Variants in KHDRBS3 observed in about 807,000 individuals in gnomAD.
KHDRBS3 encodes the protein KH domain-containing, RNA-binding, signal transduction-associated protein 3.
In KHDRBS3, 23 loss-of-function variants were observed where a neutral mutation model predicts 45.6. The observed-to-expected ratio is 0.50, with a 90% CI of 0.36 to 0.72. The LOEUF is 0.72. Among genes scored for constraint, KHDRBS3 ranks in the 30% least tolerant of loss-of-function variants. The probability of loss-of-function intolerance (pLI) is 0.00; values close to 1 mark genes in which losing one functional copy is unlikely to be tolerated. For synonymous variants in KHDRBS3, 162 were observed against 156.5 expected (o/e 1.04, Z -0.26); for missense variants, 352 against 424.8 (o/e 0.83, Z 1.51).
At chr8:135,635,836 G>T (rs1192604565) in intron 7 of KHDRBS3, among the ~76,000 whole-genome samples, 3 of 152,062 alleles carry the variant, frequency 2.0e-5, no homozygotes, top group Non-Finnish European at 4.4e-5. Flanking sequence ...ATGTCACTTC[G>T]CTGCATTATG....
intron 1 of KHDRBS3, among the ~76,000 whole-genome samples, chr8:135,466,905 G>T (rs1478176764): frequency 6.6e-6 from 1 of 152,172 alleles, no homozygotes; most frequent in Non-Finnish European, 1.5e-5. Context: ...ACCTCACTGA[G>T]CCTCTATTCC....
intron 7 of KHDRBS3, chr8:135,625,630 T>A: frequency 2.2e-6 from 2 of 888,998 alleles, no homozygotes; most frequent in Non-Finnish European, 3.8e-6. Flanking sequence ...CCATCATAAT[T>A]TGCATCAAAA....
intron 1 of KHDRBS3, among the ~76,000 whole-genome samples, chr8:135,465,439 C>T (rs1239016573): frequency 6.6e-6 from 1 of 152,096 alleles, no homozygotes; most frequent in African/African-American, 2.4e-5. Flanking sequence ...ACTTTCATTT[C>T]TTAGGGTAAT....
chr8:135,498,302 G>T (rs779186333), intron 1 of KHDRBS3, among the ~76,000 whole-genome samples: 1 of 152,172 alleles, frequency 6.6e-6, no homozygotes, highest in South Asian at 2.1e-4. Flanking sequence ...TTCAACTACC[G>T]TACTGCATTA....
intron 2 of KHDRBS3, chr8:135,540,454 T>C (rs969873353): frequency 2.6e-5 from 4 of 152,198 alleles, no homozygotes; most frequent in African/African-American, 9.7e-5. Flanking sequence ...GATGTTCTCA[T>C]CTTATAAAAC....
rs1563751891 is a variant in KHDRBS3 at position 135,536,994 on chromosome 8, AAAAGG to A, written c.208-5658_208-5654del. ...AAAAAAAAAAAAAAAAAAAAAAAAA[AAAAGG>A]AGATGTTTAGGAGGTAAAATCATTA... On this transcript the variant is annotated intron_variant, in intron 2 of 8. Coordinates refer to ENST00000355849, the MANE Select transcript of KHDRBS3 (RefSeq NM_006558.3). 1.7e-3 allele frequency among the ~76,000 whole-genome samples: 35 copies of A among 20,820 alleles called. 2 individuals are homozygous for A. The highest frequency in any genetic ancestry group is 0.011 in the East Asian group (2 of 180). 13.7% of individuals were successfully genotyped at this position (20,820 alleles called of 152,430 possible). A position where few individuals can be genotyped will look rare whatever the true frequency, so the allele number is the denominator to read the frequency against.
chr8:135,520,660 G>A (rs957794163), intron 1 of KHDRBS3, among the ~76,000 whole-genome samples: 6 of 152,186 alleles, frequency 3.9e-5, no homozygotes, highest in African/African-American at 1.4e-4. Flanking sequence ...GTTGAGTCTC[G>A]AAAGGAGATG....
chr8:135,632,630 C>G (rs1268613872), intron 7 of KHDRBS3, among the ~76,000 whole-genome samples: 1 of 152,088 alleles, frequency 6.6e-6, no homozygotes, highest in South Asian at 2.1e-4. Flanking sequence ...TGCTGCTATC[C>G]TCTTCCCTTT....
chr8:135,466,719 A>C (rs946255245), intron 1 of KHDRBS3, among the ~76,000 whole-genome samples: 1 of 152,224 alleles, frequency 6.6e-6, no homozygotes, highest in African/African-American at 2.4e-5. Flanking sequence ...CTAGCTATAA[A>C]ATGTGGGAGG....
At chr8:135,504,379 C>T (rs566112885) in intron 1 of KHDRBS3, among the ~76,000 whole-genome samples, 1 of 152,124 alleles carries the variant, frequency 6.6e-6, no homozygotes, top group Non-Finnish European at 1.5e-5. Context: ...CTTAATTTTA[C>T]GTTCATTTTA....
chr8:135,632,718 C>T (rs1402676217), intron 7 of KHDRBS3, among the ~76,000 whole-genome samples: 1 of 152,048 alleles, frequency 6.6e-6, no homozygotes, highest in Non-Finnish European at 1.5e-5. Context: ...ATTTTAAAAA[C>T]ACACACATAA....
At chr8:135,575,900 T>A (rs562388373) in intron 5 of KHDRBS3, among the ~76,000 whole-genome samples, 2 of 152,228 alleles carry the variant, frequency 1.3e-5, no homozygotes, top group South Asian at 4.1e-4. Flanking sequence ...AGTGTCCTTT[T>A]TCTGTTCCAG....
chr8:135,614,056 T>C (rs1435918583), intron 7 of KHDRBS3, among the ~76,000 whole-genome samples: 1 of 151,986 alleles, frequency 6.6e-6, no homozygotes, highest in Non-Finnish European at 1.5e-5. Context: ...CATTGATTTT[T>C]GTAATGACCT....
chr8:135,490,374 C>G (rs1415808008), intron 1 of KHDRBS3, among the ~76,000 whole-genome samples: 2 of 152,262 alleles, frequency 1.3e-5, no homozygotes, highest in Admixed American at 6.5e-5. Context: ...GAACACATCC[C>G]CTTTTTTCTC....
At chr8:135,508,271 G>T (rs1824108398) in intron 1 of KHDRBS3, among the ~76,000 whole-genome samples, 1 of 152,114 alleles carries the variant, frequency 6.6e-6, no homozygotes, top group South Asian at 2.1e-4. Context: ...AGAATAAGGT[G>T]CTTGTATTAT....
chr8:135,629,033 G>C (rs1027941769), intron 7 of KHDRBS3, among the ~76,000 whole-genome samples: 1 of 152,310 alleles, frequency 6.6e-6, no homozygotes, highest in Admixed American at 6.5e-5. Flanking sequence ...TCTGAAGATC[G>C]ATTTCTTCCC....
chr8:135,577,287 A>G (rs1827990406), intron 5 of KHDRBS3, among the ~76,000 whole-genome samples: 1 of 152,180 alleles, frequency 6.6e-6, no homozygotes, highest in Non-Finnish European at 1.5e-5. Flanking sequence ...GTGTGCAAAC[A>G]TGAAAATTCA....
chr8:135,622,037 T>C (rs889319699), intron 7 of KHDRBS3, among the ~76,000 whole-genome samples: 4 of 152,168 alleles, frequency 2.6e-5, no homozygotes, highest in Non-Finnish European at 5.9e-5. Flanking sequence ...TGAGCTATCA[T>C]GTCTCCCTAC....
At chr8:135,506,956 G>T (rs1460684756) in intron 1 of KHDRBS3, among the ~76,000 whole-genome samples, 2 of 151,958 alleles carry the variant, frequency 1.3e-5, no homozygotes, top group Non-Finnish European at 2.9e-5. Flanking sequence ...ATTTCAGCTG[G>T]CTTTCCTAGG....
Sources: gnomAD v4.1 joint callset for allele counts (sites outside exome capture counted in the v4.1 genomes callset) on GRCh38, gnomAD v4.1.1 for gene constraint, MANE v1.5 for transcripts, NCBI Gene and HGNC (gene_info 2026-07-23, HGNC 2026-07-21) for gene names.